HAUS1: variants seen among roughly 807,000 people sequenced by gnomAD.
HAUS1 encodes HAUS augmin-like complex subunit 1.
A neutral mutation model predicts 38.6 loss-of-function variants in HAUS1; 25 were observed. The ratio of observed to expected loss-of-function variants is 0.65; its 90% CI spans 0.47 to 0.91. The LOEUF is 0.91. HAUS1 is among the 40% of genes least tolerant of loss of function. The pLI is 0.00. For synonymous variants in HAUS1, 109 were observed against 112.9 expected (o/e 0.97, Z 0.22); for missense variants, 325 against 328.4 (o/e 0.99, Z 0.08).
chr18:46,118,161 G>A lies in HAUS1; in HGVS notation c.206-20G>A. 6.2e-7 allele frequency: 1 copy of A among 1,610,580 alleles called. No homozygotes were observed. Among genetic ancestry groups the A allele is most frequent in the Non-Finnish European group, 8.5e-7 (1 of 1,179,278 alleles). On this transcript the variant is annotated intron_variant, in intron 2 of 8. Coordinates refer to ENST00000282058, the MANE Select transcript of HAUS1 (RefSeq NM_138443.4). ...TTTAAAAAAGCAAACAGTCACTATG[G>A]AACTCTTTCATGTTTTTAGCCAAGT...
intron 2 of HAUS1, among the ~76,000 whole-genome samples, chr18:46,107,372 A>C (rs1911507167): frequency 2.0e-5 from 3 of 152,192 alleles, no homozygotes; most frequent in African/African-American, 7.2e-5. Context: ...TAAGGATTTC[A>C]AAGTAAAATT....
chr18:46,113,726 T>A (rs1911732869), intron 2 of HAUS1, among the ~76,000 whole-genome samples: 1 of 152,088 alleles, frequency 6.6e-6, no homozygotes, highest in Non-Finnish European at 1.5e-5. Flanking sequence ...TTCCTCTTTT[T>A]TGTTGTTGTT....
intron 2 of HAUS1, among the ~76,000 whole-genome samples, chr18:46,108,050 CTA>C (rs1306084356): frequency 6.6e-6 from 1 of 152,084 alleles, no homozygotes; most frequent in Non-Finnish European, 1.5e-5. Context: ...ACTATTGAAA[CTA>C]TTCATTCTTC....
intron 2 of HAUS1, among the ~76,000 whole-genome samples, chr18:46,114,459 G>A (rs1911750428): frequency 1.3e-5 from 2 of 152,168 alleles, no homozygotes; most frequent in South Asian, 4.1e-4. Flanking sequence ...GGTAGAGAGG[G>A]AGTGCGGCAG....
intron 2 of HAUS1, among the ~76,000 whole-genome samples, chr18:46,115,815 A>G (rs949453468): frequency 7.9e-5 from 12 of 152,172 alleles, no homozygotes; most frequent in African/African-American, 2.9e-4. Flanking sequence ...AAAGGACACC[A>G]TCAAGAATAT....
At chr18:46,117,924 C>G (rs1040593306) in intron 2 of HAUS1, among the ~76,000 whole-genome samples, 3 of 151,672 alleles carry the variant, frequency 2.0e-5, no homozygotes, top group Non-Finnish European at 4.4e-5. Context: ...CCAGCCTGGG[C>G]AACAGAGCGA....
At chr18:46,113,153 T>A (rs780771430) in intron 2 of HAUS1, among the ~76,000 whole-genome samples, 51 of 148,768 alleles carry the variant, frequency 3.4e-4, no homozygotes, top group Non-Finnish European at 5.8e-4. Context: ...CTCAGCTCGC[T>A]GCAGCCTTCA....
At position 46,105,394 on chromosome 18, in the gene HAUS1, C is replaced by A. The variant is rs200433927; in HGVS notation, c.205+26C>A. ...GTGAGATTAAGTCCAGAGTTTTGAA[C>A]GAGAATAAATAGAGGTAACCAAATT... is the stretch of plus-strand genomic sequence containing the variant. On this transcript the variant is annotated intron_variant, in intron 2 of 8. Transcript: ENST00000282058. The A allele has an allele frequency of 3.8e-5, 60 of 1,593,544 alleles. No individual in the cohort carries two copies. In the East Asian group the frequency reaches 9.9e-4, roughly 26 times the overall value.
intron 2 of HAUS1, among the ~76,000 whole-genome samples, chr18:46,116,061 G>A (rs530707888): frequency 1.8e-4 from 27 of 151,802 alleles, no homozygotes; most frequent in Non-Finnish European, 3.2e-4. Context: ...AACCGAGATC[G>A]TGCCACTGCA....
intron 2 of HAUS1, among the ~76,000 whole-genome samples, chr18:46,110,738 A>G (rs866797577): frequency 6.6e-6 from 1 of 152,002 alleles, no homozygotes; most frequent in African/African-American, 2.4e-5. Flanking sequence ...TTCTTGGTTG[A>G]AGATTTTTTT....
At chr18:46,119,792 T>TA in intron 3 of HAUS1, 134 bp from the exon 4 acceptor site, 3 of 703,158 alleles carry the variant, frequency 4.3e-6, no homozygotes, top group Non-Finnish European at 6.6e-6. Flanking sequence ...GAACAGTGTG[T>TA]AAAAAAAGGC....
intron 3 of HAUS1, 43 bp from the exon 4 acceptor site, chr18:46,119,883 A>T: frequency 2.0e-6 from 3 of 1,484,984 alleles, no homozygotes; most frequent in Non-Finnish European, 2.7e-6. Context: ...AATTATAATT[A>T]TTGCCCATTA....
At chr18:46,105,065 T>TTG (rs746070763) in intron 1 of HAUS1, 129 bp from the exon 2 acceptor site, 17 of 567,352 alleles carry the variant, frequency 3.0e-5, no homozygotes, top group African/African-American at 7.6e-5. Flanking sequence ...ACAAGTGAGG[T>TTG]TGTGAAGTAG....
In HAUS1 at chr18:46,118,308, G is replaced by T. The variant is rs376720580; in HGVS notation, c.333G>T (p.Ser111=). The change falls in exon 3 of 9, where the codon TCG becomes TCT. Residue 111 remains serine (S), a synonymous_variant. Coordinates refer to ENST00000282058, the MANE Select transcript of HAUS1 (RefSeq NM_138443.4). The part of the protein sequence containing the change: ...SAVALETKDT[S]LASFIPAVND... ...TGGCCCTTGAAACAAAGGATACCTC[G>T]CTAGCTAGGTAATTCTTATGACAGT... The T allele has an allele frequency of 6.2e-6, 10 of 1,613,470 alleles. No individual in the cohort carries two copies. Among genetic ancestry groups the T allele is most frequent in the Middle Eastern group, 1.7e-4 (1 of 5,720 alleles).
intron 6 of HAUS1, among the ~76,000 whole-genome samples, 171 bp from the exon 7 acceptor site, chr18:46,124,651 G>T (rs1210432746): frequency 3.9e-5 from 6 of 152,002 alleles, no homozygotes; most frequent in East Asian, 1.9e-4. Context: ...CATCTAACAG[G>T]TGTTGTTTCC....
intron 2 of HAUS1, among the ~76,000 whole-genome samples, chr18:46,114,060 C>T (rs1351922838): frequency 1.3e-5 from 2 of 152,208 alleles, no homozygotes; most frequent in Non-Finnish European, 1.5e-5. Context: ...ATAAACTGCT[C>T]TACGAGCAAT....
intron 4 of HAUS1, among the ~76,000 whole-genome samples, chr18:46,122,230 CA>C (rs772098449): frequency 3.9e-4 from 59 of 151,626 alleles, no homozygotes; most frequent in Non-Finnish European, 6.3e-4. Context: ...AGGATCACTT[CA>C]GCCAAGGAGC....
At chr18:46,121,879 C>T (rs1238387979) in intron 4 of HAUS1, among the ~76,000 whole-genome samples, 1 of 151,964 alleles carries the variant, frequency 6.6e-6, no homozygotes. Context: ...TCTTACTCTG[C>T]CACCCACACT....
At chr18:46,125,674 T>C in intron 7 of HAUS1, 70 bp from the exon 8 acceptor site, 1 of 1,046,554 alleles carries the variant, frequency 9.6e-7, no homozygotes, top group Non-Finnish European at 1.4e-6. Flanking sequence ...AAAAGGATTA[T>C]GGCATTATTT....
Sources: gnomAD v4.1 joint callset for allele counts (sites outside exome capture counted in the v4.1 genomes callset) on GRCh38, gnomAD v4.1.1 for gene constraint, MANE v1.5 for transcripts, NCBI Gene and HGNC (gene_info 2026-07-23, HGNC 2026-07-21) for gene names.